Variants in BICD1 observed in about 807,000 individuals in gnomAD.
BICD1 encodes the protein BICD cargo adaptor 1, also known as protein bicaudal D homolog 1.
In BICD1, 35 loss-of-function variants were observed where a neutral mutation model predicts 92.5. The ratio of observed to expected loss-of-function variants is 0.38; its 90% CI spans 0.29 to 0.50. The LOEUF (loss-of-function observed/expected upper bound fraction) is 0.50, where lower values mean the gene tolerates loss of function less well. Among genes scored for constraint, BICD1 ranks in the 20% least tolerant of loss-of-function variants. The pLI, the probability that BICD1 is intolerant of heterozygous loss-of-function variation, is 0.93. For synonymous variants in BICD1, 429 were observed against 465.1 expected, an observed-to-expected ratio of 0.92 and a Z score of 1.00; for missense variants, 950 against 1,189.8, an observed-to-expected ratio of 0.80 and a Z score of 2.97.
At chr12:32,324,615 G>A (rs111446917) in intron 4 of BICD1, among the ~76,000 whole-genome samples, 14,151 of 151,098 alleles carry the variant, frequency 0.094, 753 homozygotes, top group Middle Eastern at 0.13. Flanking sequence ...TCACTCTGTC[G>A]CCCAGGCTGG....
At chr12:32,272,789 T>G (rs1947176770) in intron 2 of BICD1, among the ~76,000 whole-genome samples, 1 of 152,226 alleles carries the variant, frequency 6.6e-6, no homozygotes, top group Non-Finnish European at 1.5e-5. Context: ...AGATTTTCCA[T>G]TTCAATGGCC....
chr12:32,120,204 C>T (rs1396456080), intron 1 of BICD1, among the ~76,000 whole-genome samples: 1 of 152,132 alleles, frequency 6.6e-6, no homozygotes, highest in African/African-American at 2.4e-5. Flanking sequence ...GGATTGATCT[C>T]TAACTTCTTG....
At chr12:32,366,813 C>A (rs1228821157) in intron 8 of BICD1, among the ~76,000 whole-genome samples, 2 of 152,184 alleles carry the variant, frequency 1.3e-5, no homozygotes, top group African/African-American at 4.8e-5. Context: ...GACGTATATG[C>A]ATTTCTAACC....
intron 1 of BICD1, among the ~76,000 whole-genome samples, chr12:32,206,253 G>A (rs980653282): frequency 6.6e-6 from 1 of 152,180 alleles, no homozygotes; most frequent in African/African-American, 2.4e-5. Flanking sequence ...TATGCATATA[G>A]TAATTTATTT....
Position 32,337,744 on chromosome 12 carries a change from A to T in BICD1, c.2498A>T (p.Asp833Val). 6.2e-7 allele frequency: 1 copy of T among 1,614,126 alleles called. No homozygotes were observed. The highest frequency in any genetic ancestry group is 1.7e-5 in the Admixed American group (1 of 60,004). ...GCATCAGTCACCGTGCCCACCATAG[A>T]CACTTACCTCCTGCATAGTCAGGGC... is the stretch of plus-strand genomic sequence containing the variant. ...GEASVTVPTI[D>V]TYLLHSQGPQ... The change falls in exon 7 of 10, where the codon GAC (aspartate) becomes GTC (valine). Residue 833 changes from aspartate (D) to valine (V), a missense_variant. Physicochemically the swap from Asp to Val is radical, Grantham distance 152. This residue lies in a region of BICD1 where 179 missense variants were observed against 186.7 expected (regional missense o/e 0.96). Coordinates refer to ENST00000652176, the MANE Select transcript of BICD1 (RefSeq NM_001714.4). This position sits in a 1 kb window ranked among gnomAD's most constrained non-coding sequence, Gnocchi z 4.7.
chr12:32,289,961 G>A (rs1415397246), intron 2 of BICD1, among the ~76,000 whole-genome samples: 2 of 152,182 alleles, frequency 1.3e-5, no homozygotes, highest in Non-Finnish European at 2.9e-5. Context: ...TAAGAGGTCA[G>A]CACTGATAAA....
intron 2 of BICD1, among the ~76,000 whole-genome samples, chr12:32,221,623 G>A (rs1424915722): frequency 6.6e-6 from 1 of 151,914 alleles, no homozygotes; most frequent in Non-Finnish European, 1.5e-5. Context: ...AGAGGTTGCA[G>A]TGAGCCAAGA....
chr12:32,239,878 G>C (rs112607323), intron 2 of BICD1, among the ~76,000 whole-genome samples: 16 of 151,930 alleles, frequency 1.1e-4, no homozygotes, highest in Admixed American at 8.5e-4. Flanking sequence ...AAAGTGCTGG[G>C]ATTACAGGCA....
intron 1 of BICD1, among the ~76,000 whole-genome samples, chr12:32,186,182 C>G (rs1944419302): frequency 6.6e-6 from 1 of 152,092 alleles, no homozygotes; most frequent in Non-Finnish European, 1.5e-5. Context: ...ACTGTGTTAC[C>G]CTATCCTGAC....
intron 2 of BICD1, among the ~76,000 whole-genome samples, chr12:32,247,612 C>T (rs547404363): frequency 1.3e-5 from 2 of 152,026 alleles, no homozygotes; most frequent in East Asian, 3.9e-4. Flanking sequence ...AACCCTGTCT[C>T]TGCTAAAAAT....
At chr12:32,110,963 T>C (rs548019982) in intron 1 of BICD1, among the ~76,000 whole-genome samples, 1 of 152,076 alleles carries the variant, frequency 6.6e-6, no homozygotes, top group East Asian at 1.9e-4. Flanking sequence ...GTTGTGCACA[T>C]GTACCCTAAA....
chr12:32,298,870 C>CAAAAAAAAAAA (rs59280755), intron 3 of BICD1, among the ~76,000 whole-genome samples: 2 of 56,092 alleles, frequency 3.6e-5, no homozygotes, highest in Non-Finnish European at 7.4e-5. Context: ...AACTCCATCT[C>CAAAAAAAAAAA]AAAAAAAAAA....
At chr12:32,280,699 T>C (rs1362517687) in intron 2 of BICD1, among the ~76,000 whole-genome samples, 1 of 152,234 alleles carries the variant, frequency 6.6e-6, no homozygotes, top group Non-Finnish European at 1.5e-5. Flanking sequence ...GTGGCATATT[T>C]TGGGGTGGCA....
chr12:32,272,184 C>A (rs542297138), intron 2 of BICD1, among the ~76,000 whole-genome samples: 1 of 152,208 alleles, frequency 6.6e-6, no homozygotes, highest in South Asian at 2.1e-4. Context: ...ATACATGTTG[C>A]TCCTGGACAA....
chr12:32,222,892 A>G (rs1299954766), intron 2 of BICD1, among the ~76,000 whole-genome samples: 1 of 152,210 alleles, frequency 6.6e-6, no homozygotes, highest in African/African-American at 2.4e-5. Flanking sequence ...CCAGACACTG[A>G]ACCTGCCAGC....
At chr12:32,127,923 AG>A (rs1942399802) in intron 1 of BICD1, among the ~76,000 whole-genome samples, 1 of 95,434 alleles carries the variant, frequency 1.0e-5, no homozygotes, top group Non-Finnish European at 2.2e-5. Flanking sequence ...TTTTTTTTTG[AG>A]ACAGACTCTT....
intron 1 of BICD1, among the ~76,000 whole-genome samples, chr12:32,210,677 A>G (rs1314043088): frequency 1.3e-5 from 2 of 152,262 alleles, no homozygotes; most frequent in African/African-American, 4.8e-5. Context: ...ATCATAATAC[A>G]TTCTAAAAGT....
chr12:32,261,914 C>A (rs1470155891), intron 2 of BICD1, among the ~76,000 whole-genome samples: 1 of 152,118 alleles, frequency 6.6e-6, no homozygotes, highest in Non-Finnish European at 1.5e-5. Flanking sequence ...TTTGTGAGTC[C>A]AGGAAGACAA....
At chr12:32,348,224 T>C (rs1043489408) in intron 8 of BICD1, among the ~76,000 whole-genome samples, 10 of 152,218 alleles carry the variant, frequency 6.6e-5, no homozygotes, top group African/African-American at 1.9e-4. Flanking sequence ...AAATAAGCTA[T>C]GATGAAAGGA....
Sources: allele counts gnomAD v4.1 joint callset (sites outside exome capture counted in the v4.1 genomes callset), GRCh38; gene constraint gnomAD v4.1.1; regional missense constraint gnomAD v4.1.1; non-coding constraint Gnocchi (gnomAD v3.1); transcripts MANE v1.5; gene names NCBI Gene and HGNC (gene_info 2026-07-23, HGNC 2026-07-21).